The following HAO1 variants were observed in gnomAD, a reference collection of about 807,000 sequenced individuals.
HAO1 encodes the protein hydroxyacid oxidase 1.
Under a neutral mutation model 39.7 loss-of-function variants are expected in HAO1, and 34 were observed. The observed-to-expected ratio is 0.86, with a 90% confidence interval of 0.65 to 1.14. The LOEUF is 1.14. HAO1 is among the 50% of genes most tolerant of loss of function. HAO1 has a pLI of 0.00. For synonymous variants in HAO1, 172 were observed against 173.2 expected (o/e 0.99, Z 0.05); for missense variants, 479 against 464.5 (o/e 1.03, Z -0.29).
intron 5 of HAO1, among the ~76,000 whole-genome samples, chr20:7,886,393 C>T (rs1048058964): frequency 7.2e-5 from 11 of 151,960 alleles, no homozygotes; most frequent in African/African-American, 2.7e-4. Context: ...AGACTGGTCT[C>T]GAACTCCTGA....
chr20:7,932,529 T>C (rs995075019), intron 2 of HAO1, among the ~76,000 whole-genome samples: 1 of 152,174 alleles, frequency 6.6e-6, no homozygotes, highest in African/African-American at 2.4e-5. Context: ...GAGTATAAAG[T>C]CAGGAGTAAT....
At chr20:7,921,983 A>G (rs938879159) in intron 2 of HAO1, among the ~76,000 whole-genome samples, 1 of 152,100 alleles carries the variant, frequency 6.6e-6, no homozygotes, top group African/African-American at 2.4e-5. Flanking sequence ...AAAAGGGCTG[A>G]AAAAAACTAC....
intron 2 of HAO1, among the ~76,000 whole-genome samples, 162 bp from the exon 3 acceptor site, chr20:7,914,581 C>T (rs941441177): frequency 6.6e-6 from 1 of 152,196 alleles, no homozygotes; most frequent in African/African-American, 2.4e-5. Context: ...CATCTATTTC[C>T]TGATTCTACC....
intron 2 of HAO1, among the ~76,000 whole-genome samples, chr20:7,932,960 A>C (rs1034797516): frequency 3.3e-5 from 5 of 152,102 alleles, no homozygotes; most frequent in Non-Finnish European, 7.4e-5. Flanking sequence ...TTTTCTCAAC[A>C]CTGTTTGAAA....
At chr20:7,916,678 GA>G (rs757195714) in intron 2 of HAO1, among the ~76,000 whole-genome samples, 2 of 152,144 alleles carry the variant, frequency 1.3e-5, no homozygotes, top group African/African-American at 2.4e-5. Context: ...AAGTTCAAAT[GA>G]AATAAAATGT....
At chr20:7,899,205 G>A (rs78130793) in intron 4 of HAO1, among the ~76,000 whole-genome samples, 6,499 of 152,042 alleles carry the variant, frequency 0.043, 498 homozygotes, top group African/African-American at 0.15. Context: ...TAAGTGGCAA[G>A]TTTCTTAACT....
chr20:7,920,589 C>T (rs2050326554), intron 2 of HAO1, among the ~76,000 whole-genome samples: 1 of 152,136 alleles, frequency 6.6e-6, no homozygotes, highest in Admixed American at 6.6e-5. Flanking sequence ...CTTTTCCTTC[C>T]TCTCCCAGCC....
chr20:7,894,521 T>C (rs1197481636), intron 5 of HAO1, among the ~76,000 whole-genome samples: 1 of 152,150 alleles, frequency 6.6e-6, no homozygotes, highest in Non-Finnish European at 1.5e-5. Flanking sequence ...TCAGGATTCT[T>C]TAAAGTTCCC....
chr20:7,910,458 A>C (rs2050273872), intron 3 of HAO1, among the ~76,000 whole-genome samples: 1 of 152,204 alleles, frequency 6.6e-6, no homozygotes, highest in Non-Finnish European at 1.5e-5. Context: ...CACTGGACTA[A>C]ACTCAAGATA....
intron 7 of HAO1, 145 bp from the exon 8 acceptor site, chr20:7,883,808 A>AT (rs2050139008): frequency 2.9e-6 from 2 of 688,050 alleles, no homozygotes; most frequent in Admixed American, 2.1e-5. Flanking sequence ...GCATGAGACC[A>AT]TTTTTTATTA....
intron 2 of HAO1, among the ~76,000 whole-genome samples, chr20:7,929,679 C>A (rs1262412916): frequency 6.6e-6 from 1 of 152,104 alleles, no homozygotes; most frequent in Non-Finnish European, 1.5e-5. Flanking sequence ...TCCTGGCCAA[C>A]ATGGTGAAAC....
chr20:7,936,744 C>G (rs780302069), intron 1 of HAO1, among the ~76,000 whole-genome samples: 2 of 151,874 alleles, frequency 1.3e-5, no homozygotes, highest in Non-Finnish European at 2.9e-5. Context: ...AATACAGAGG[C>G]TTGTCAACCA....
chr20:7,924,221 T>C (rs1319522095), intron 2 of HAO1, among the ~76,000 whole-genome samples: 2 of 147,756 alleles, frequency 1.4e-5, no homozygotes, highest in African/African-American at 5.0e-5. Context: ...GTTGTTGTTG[T>C]TGTTGTTTGT....
intron 3 of HAO1, among the ~76,000 whole-genome samples, chr20:7,908,438 A>G (rs1180832028): frequency 6.6e-6 from 1 of 151,930 alleles, no homozygotes; most frequent in Admixed American, 6.6e-5. Context: ...GAATCTAGGC[A>G]CACTATTTAA....
At chr20:7,939,150 C>A (rs1280801955) in intron 1 of HAO1, among the ~76,000 whole-genome samples, 5 of 152,114 alleles carry the variant, frequency 3.3e-5, no homozygotes, top group South Asian at 4.1e-4. Context: ...GAATTTTAAG[C>A]CCCTCTACTC....
In HAO1 at chr20:7,914,405, C is replaced by A; in HGVS notation, c.304G>T (p.Gly102Ter). The part of the protein sequence containing the change: ...LATVRACQSL[G>*]TGMMLSSWAT... ...CAGGAACTCAACATCATGCCCGTTC[C>A]CAGGGACTGACAGGCTGAGAAAGAA... Residue 102 changes from glycine to a stop codon, truncating the protein, a stop_gained, in exon 3 of 8, where the codon GGA becomes TGA. Coordinates refer to ENST00000378789, the MANE Select transcript of HAO1 (RefSeq NM_017545.3). LOFTEE classifies it high-confidence loss of function. The A allele has an allele frequency of 6.2e-7, 1 of 1,613,500 alleles. No individual in the cohort carries two copies. The highest frequency in any genetic ancestry group is 1.1e-5 in the South Asian group (1 of 91,060).
intron 5 of HAO1, among the ~76,000 whole-genome samples, chr20:7,889,730 G>A (rs1215943737): frequency 6.6e-6 from 1 of 152,146 alleles, no homozygotes; most frequent in African/African-American, 2.4e-5. Flanking sequence ...GCCATTAAAA[G>A]TAATGGTGAA....
At chr20:7,907,867 C>T (rs902263236) in intron 3 of HAO1, among the ~76,000 whole-genome samples, 1 of 152,178 alleles carries the variant, frequency 6.6e-6, no homozygotes, top group Non-Finnish European at 1.5e-5. Context: ...TATCTGCCCA[C>T]AGTCCCAAAT....
Position 7,905,458 on chromosome 20 carries a change from G to A in HAO1, c.721+696C>T, listed in dbSNP as rs569500927. On this transcript the variant is annotated intron_variant, in intron 4 of 7. Transcript: ENST00000378789. ...ACTCAAACATTTCAGTTAAAAAAAA[G>A]TTTTTGGCAGTTATCTATATAACCA... Among the ~76,000 whole-genome samples, 217 of 152,162 alleles carry A rather than the reference G, an allele frequency of 1.4e-3. No homozygotes were observed. The Middle Eastern group carries it at 0.051, about 36-fold the overall frequency.
Sources: gnomAD v4.1 joint callset for allele counts (sites outside exome capture counted in the v4.1 genomes callset) on GRCh38, gnomAD v4.1.1 for gene constraint, MANE v1.5 for transcripts, NCBI Gene and HGNC (gene_info 2026-07-23, HGNC 2026-07-21) for gene names.